Variants in PYM1 observed in about 807,000 individuals in gnomAD.
The protein encoded by PYM1 is PYM1 exon junction complex associated factor.
PYM1 carries 7 observed loss-of-function variants against 20.7 expected under a neutral mutation model. The observed-to-expected ratio is 0.34, with a 90% CI of 0.19 to 0.64. The LOEUF is 0.64. PYM1 is among the 30% of genes least tolerant of loss of function. The pLI, the probability that PYM1 is intolerant of heterozygous loss-of-function variation, is 0.74. For missense variants in PYM1, 194 were observed against 250.0 expected (o/e 0.78, Z 1.51); for synonymous variants, 100 against 99.2 (o/e 1.01, Z -0.05).
intron 1 of PYM1, among the ~76,000 whole-genome samples, chr12:55,906,916 G>C (rs1383736539): frequency 1.3e-5 from 2 of 151,924 alleles, no homozygotes; most frequent in Non-Finnish European, 2.9e-5. Flanking sequence ...CCAAAGTCCT[G>C]AGATTACAGG....
At chr12:55,904,595 C>CAAAAAAAAAAAAAAAAA (rs57817659) in intron 1 of PYM1, among the ~76,000 whole-genome samples, 1 of 66,946 alleles carries the variant, frequency 1.5e-5, no homozygotes, top group Non-Finnish European at 2.7e-5. Flanking sequence ...GACTCCATCT[C>CAAAAAAAAAAAAAAAAA]AAAAAAAAAA....
At chr12:55,911,423 A>AT (rs1167763328) in intron 1 of PYM1, among the ~76,000 whole-genome samples, 2 of 151,944 alleles carry the variant, frequency 1.3e-5, no homozygotes, top group Non-Finnish European at 2.9e-5. Flanking sequence ...GTTAATAGAG[A>AT]TTTTTTACAG....
chr12:55,905,289 G>A (rs1215417339), intron 1 of PYM1, among the ~76,000 whole-genome samples: 1 of 151,494 alleles, frequency 6.6e-6, no homozygotes, highest in Non-Finnish European at 1.5e-5. Context: ...GATTACAGGT[G>A]TGAGCCACCG....
intron 1 of PYM1, among the ~76,000 whole-genome samples, chr12:55,911,541 T>C (rs905811970): frequency 1.3e-5 from 2 of 152,096 alleles, no homozygotes; most frequent in Admixed American, 6.6e-5. Context: ...CAGAGTCAAA[T>C]TGAAAAGTAA....
chr12:55,917,978 CAAAA>C (rs914728589), intron 1 of PYM1, among the ~76,000 whole-genome samples: 1 of 146,566 alleles, frequency 6.8e-6, no homozygotes, highest in African/African-American at 2.5e-5. Flanking sequence ...AACAAACAAA[CAAAA>C]AAAAAACTTA....
At chr12:55,914,161 GGT>G in intron 1 of PYM1, 1 of 606,664 alleles carries the variant, frequency 1.6e-6, no homozygotes. Context: ...TATAGCTGAA[GGT>G]TTAGGAGGAC....
chr12:55,905,150 T>C lies in PYM1; in HGVS notation c.38-1670A>G, dbSNP rs530329858. Among the ~76,000 whole-genome samples the C allele has an allele frequency of 5.5e-3, 833 of 150,102 alleles. 3 individuals carry two copies. Among genetic ancestry groups the C allele is most frequent in the Non-Finnish European group, 9.2e-3 (623 of 67,578 alleles). On this transcript the variant is annotated intron_variant, in intron 1 of 2. Transcript: ENST00000408946. ...CCGAGTAGCTGGGACTACAGGCGCC[T>C]GCCACCACACCTGGCTAATTTTTTT...
chr12:55,916,658 G>T (rs752471677), intron 1 of PYM1, among the ~76,000 whole-genome samples: 1 of 151,324 alleles, frequency 6.6e-6, no homozygotes, highest in African/African-American at 2.4e-5. Flanking sequence ...AATTAGCCAG[G>T]TGTGGGGCAC....
chr12:55,912,124 G>A (rs1882934356), intron 1 of PYM1, among the ~76,000 whole-genome samples: 1 of 151,852 alleles, frequency 6.6e-6, no homozygotes, highest in South Asian at 2.1e-4. Flanking sequence ...CGAGGCAGGT[G>A]GGTCACCTGA....
At chr12:55,927,395 C>A (rs1429251669) in intron 1 of PYM1, 6 of 714,564 alleles carry the variant, frequency 8.4e-6, no homozygotes, top group Non-Finnish European at 1.5e-5. Flanking sequence ...CCTCTCATCC[C>A]CAGGAACTCC....
At chr12:55,927,328 C>A (rs1283293744) in intron 1 of PYM1, 1 of 767,428 alleles carries the variant, frequency 1.3e-6, no homozygotes. Flanking sequence ...CATTACTGAG[C>A]GCTTGCTGCC....
intron 1 of PYM1, among the ~76,000 whole-genome samples, chr12:55,911,233 C>T (rs140374068): frequency 0.028 from 4,304 of 152,142 alleles, 72 homozygotes; most frequent in Middle Eastern, 0.065. Context: ...CTCAGCCTCC[C>T]GAGTAGCTGG....
At chr12:55,911,297 A>C (rs1882918289) in intron 1 of PYM1, among the ~76,000 whole-genome samples, 1 of 151,616 alleles carries the variant, frequency 6.6e-6, no homozygotes, top group African/African-American at 2.4e-5. Flanking sequence ...TTTTAAGTAG[A>C]GATGGGGTTT....
At position 55,901,757 on chromosome 12, in the gene PYM1, GTGGA is replaced by G. The variant is rs2136254997; in HGVS notation, c.*111_*114del. On this transcript the variant is annotated 3_prime_UTR_variant, in exon 3 of 3. Transcript: ENST00000408946. ...GGAGGACAGAGCTGGGCCGCAGGAG[GTGGA>G]AGTAAGCCAGTATGGGGGGTACCCC... is the stretch of plus-strand genomic sequence containing the variant. 7.6e-7 allele frequency: 1 copy of G among 1,319,796 alleles called. No homozygotes were observed. Among genetic ancestry groups the G allele is most frequent in the Non-Finnish European group, 1.0e-6 (1 of 1,001,690 alleles). The allele number at this position is 1,319,796 out of a possible 1,614,324, so 81.8% of individuals were successfully genotyped here. A position where few individuals can be genotyped will look rare whatever the true frequency, so the allele number is the denominator to read the frequency against.
chr12:55,927,704 A>G, intron 1 of PYM1, 21 bp downstream of exon 1: 1 of 1,539,358 alleles, frequency 6.5e-7, no homozygotes, highest in South Asian at 1.2e-5. Flanking sequence ...TGCAAGGCGG[A>G]GGGCGCCGCG....
intron 1 of PYM1, among the ~76,000 whole-genome samples, chr12:55,904,566 A>G (rs149721190): frequency 0.017 from 2,261 of 135,464 alleles, 66 homozygotes; most frequent in African/African-American, 0.06. Context: ...ACTGCACTCC[A>G]GCCTGGGCAA....
chr12:55,915,345 A>G (rs983982256), intron 1 of PYM1, among the ~76,000 whole-genome samples: 9 of 152,116 alleles, frequency 5.9e-5, no homozygotes, highest in African/African-American at 2.2e-4. Flanking sequence ...TTATCTCCAC[A>G]AATACAGCCT....
intron 1 of PYM1, 56 bp downstream of exon 1, chr12:55,927,669 C>T: frequency 1.3e-6 from 2 of 1,533,970 alleles, no homozygotes; most frequent in Non-Finnish European, 1.8e-6. Context: ...ACCCACTCAA[C>T]CACCAGAGAC....
At chr12:55,904,112 C>T (rs919121659) in intron 1 of PYM1, among the ~76,000 whole-genome samples, 2 of 151,936 alleles carry the variant, frequency 1.3e-5, no homozygotes, top group African/African-American at 2.4e-5. Context: ...GGATTACAGG[C>T]CCCTGCCACC....
Sources: allele counts gnomAD v4.1 joint callset (sites outside exome capture counted in the v4.1 genomes callset), GRCh38; gene constraint gnomAD v4.1.1; transcripts MANE v1.5; gene names NCBI Gene and HGNC (gene_info 2026-07-23, HGNC 2026-07-21).